EXPH5: variants seen among roughly 807,000 people sequenced by gnomAD.
EXPH5 encodes the protein exophilin-5.
A neutral mutation model predicts 41.1 loss-of-function variants in EXPH5; 42 were observed. The ratio of observed to expected loss-of-function variants is 1.02; its 90% CI spans 0.80 to 1.32. The LOEUF is 1.32. EXPH5 is among the 40% of genes most tolerant of loss of function. EXPH5 has a pLI of 0.00. For synonymous variants in EXPH5, 798 were observed against 833.5 expected (o/e 0.96, Z 0.73); for missense variants, 2,298 against 2,314.5 (o/e 0.99, Z 0.15).
chr11:108,604,288 T>G, the EXPH5 span, among the ~76,000 whole-genome samples: 2 of 151,022 alleles, frequency 1.3e-5, no homozygotes, highest in Admixed American at 1.3e-4. Context: ...CCCAGCTACT[T>G]AGGTGGCTGA....
Position 108,518,285 on chromosome 11 carries a change from C to T in EXPH5, c.581G>A (p.Gly194Asp), listed in dbSNP as rs2093740489. The part of the protein sequence containing the change: ...PKPAVMREES[G>D]MPPPWDASLL... ...TGAAGCATCCCACGGTGGAGGCATG[C>T]CACTCTCCTCCCTCATGACTGCTGG... The change falls in exon 5 of 6, where the codon GGC becomes GAC. Residue 194 changes from glycine to aspartate, a missense_variant. Gly to Asp is a moderately conservative substitution (Grantham distance 94). Coordinates refer to ENST00000265843, the MANE Select transcript of EXPH5 (RefSeq NM_015065.3). 1 of 1,613,560 alleles carries T rather than the reference C, an allele frequency of 6.2e-7. No homozygotes were observed. Among genetic ancestry groups the T allele is most frequent in the Non-Finnish European group, 8.5e-7 (1 of 1,179,566 alleles).
In EXPH5 at chr11:108,539,036, AG is replaced by A; in HGVS notation, c.430del (p.Leu144TrpfsTer16). 1 of 1,595,704 alleles carries A rather than the reference AG, an allele frequency of 6.3e-7. No homozygotes were observed. Among genetic ancestry groups the A allele is most frequent in the Non-Finnish European group, 8.5e-7 (1 of 1,170,170 alleles). ...SGKETSKLPSLGQKGCDGHAG... is the reference protein window; with the variant it reads ...SGKETSKLPSXGQKGCDGHAG... Reference sequence around the variant, plus strand: ...GAGTTTAACTCACCCTTTCTGTCCCAGTGATGGAAGCTTTGAAGTCTCCTTT... The same window carrying A: ...GAGTTTAACTCACCCTTTCTGTCCCATGATGGAAGCTTTGAAGTCTCCTTT... On this transcript the variant is annotated frameshift_variant, in exon 3 of 6. Transcript: ENST00000265843. LOFTEE classifies it high-confidence loss of function.
At chr11:108,571,909 G>T (rs535564473) in intron 1 of EXPH5, among the ~76,000 whole-genome samples, 2 of 152,028 alleles carry the variant, frequency 1.3e-5, no homozygotes, top group South Asian at 2.1e-4. Context: ...TTAGCCAGGC[G>T]TGGTGGCGGG....
At position 108,528,130 on chromosome 11, in the gene EXPH5, AC is replaced by A. The variant is rs1178494444; in HGVS notation, c.492+5del. 10 of 1,596,536 alleles carry A rather than the reference AC, an allele frequency of 6.3e-6. No individual in the cohort carries two copies. Among genetic ancestry groups the A allele is most frequent in the Non-Finnish European group, 8.6e-6 (10 of 1,164,340 alleles). ...TAGAGTAACCTGTAGTTATCTGGTT[AC>A]TTACCACAGCAGCTCCCCTCACAGG... On this transcript the variant is annotated splice_donor_5th_base_variant and intron_variant, in intron 4 of 5. Coordinates refer to ENST00000265843, the MANE Select transcript of EXPH5 (RefSeq NM_015065.3).
intron 3 of EXPH5, 35 bp downstream of exon 3, chr11:108,538,989 C>T: frequency 6.6e-7 from 1 of 1,513,042 alleles, no homozygotes; most frequent in Non-Finnish European, 8.9e-7. Context: ...TATCGGATAA[C>T]AAATGGGCCG....
intron 1 of EXPH5, among the ~76,000 whole-genome samples, chr11:108,557,353 G>A (rs916594179): frequency 1.3e-5 from 2 of 152,254 alleles, no homozygotes; most frequent in South Asian, 4.1e-4. Flanking sequence ...AAGTAAATAA[G>A]TGAAGAAATT....
upstream of EXPH5, among the ~76,000 whole-genome samples, chr11:108,594,517 C>T (rs1364010107): frequency 1.3e-5 from 2 of 152,036 alleles, no homozygotes; most frequent in Non-Finnish European, 2.9e-5. Flanking sequence ...AAATAGCTTT[C>T]CTAGAAAGTC....
intron 1 of EXPH5, among the ~76,000 whole-genome samples, chr11:108,549,938 A>C (rs2640777): frequency 0.98 from 149,907 of 152,294 alleles, 73,820 homozygotes; most frequent in East Asian, 1. Context: ...TAGTGGTTGT[A>C]AGGAAAGTGG....
intron 5 of EXPH5, among the ~76,000 whole-genome samples, chr11:108,517,103 T>C (rs1170093262): frequency 6.6e-6 from 1 of 152,184 alleles, no homozygotes; most frequent in Middle Eastern, 3.2e-3. Context: ...CGCCAGGAAT[T>C]CTACCTAGAG....
At chr11:108,553,726 G>A (rs1247737201) in intron 1 of EXPH5, among the ~76,000 whole-genome samples, 1 of 152,190 alleles carries the variant, frequency 6.6e-6, no homozygotes. Context: ...GCTCAATCTA[G>A]GGGATAATAA....
intron 3 of EXPH5, among the ~76,000 whole-genome samples, chr11:108,530,827 A>G (rs950532583): frequency 6.6e-6 from 1 of 152,186 alleles, no homozygotes; most frequent in Non-Finnish European, 1.5e-5. Context: ...GGAAGGACAC[A>G]TAATTGCCTA....
chr11:108,509,964 C>G lies in EXPH5; in HGVS notation c.5543G>C (p.Arg1848Thr). ...GGGGAGTTCAGAAAAAGATCTGAAT[C>G]TTCGACTGTACCCATTGTTGACAGA... is the stretch of plus-strand genomic sequence containing the variant. The part of the protein sequence containing the change: ...EFSVNNGYSR[R>T]FRSFSELPSC... Residue 1848 changes from arginine to threonine, a missense_variant, in exon 6 of 6, where the codon AGA (arginine) becomes ACA (threonine). Physicochemically the swap from Arg to Thr is moderately conservative, Grantham distance 71. Coordinates refer to ENST00000265843, the MANE Select transcript of EXPH5 (RefSeq NM_015065.3). 1 of 1,613,546 alleles carries G rather than the reference C, an allele frequency of 6.2e-7. No homozygotes were observed. Among genetic ancestry groups the G allele is most frequent in the Non-Finnish European group, 8.5e-7 (1 of 1,179,800 alleles).
At chr11:108,543,443 GGCTTACA>G (rs758619017) in intron 1 of EXPH5, among the ~76,000 whole-genome samples, 5 of 152,170 alleles carry the variant, frequency 3.3e-5, no homozygotes, top group Non-Finnish European at 5.9e-5. Context: ...ATGATGACAA[GGCTTACA>G]GTGTGGTTGT....
rs893389484 is a variant in EXPH5, at chr11:108,510,466, T to C, written c.5041A>G (p.Arg1681Gly). 6.2e-7 allele frequency: 1 copy of C among 1,614,042 alleles called. No homozygotes were observed. The highest frequency in any genetic ancestry group is 1.3e-5 in the African/African-American group (1 of 74,928). The change falls in exon 6 of 6, where the codon AGA becomes GGA. Residue 1681 changes from arginine (R) to glycine (G), a missense_variant. By Grantham distance (125) the Arg-to-Gly change is moderately radical. Transcript: ENST00000265843. ...TTGCTGACGTGTGTAGAAGGTTCTC[T>C]GTTGGGTAGTACAGTAATGGGGAGA... ...NLLPITVLPN[R>G]EPSTHVSNQK... is the part of the protein sequence containing the mutation.
chr11:108,550,362 C>T (rs1422515472), intron 1 of EXPH5, among the ~76,000 whole-genome samples: 2 of 152,204 alleles, frequency 1.3e-5, no homozygotes, highest in African/African-American at 4.8e-5. Flanking sequence ...CATCCAGACC[C>T]AGCCAAGCTG....
At chr11:108,603,569 T>A in the EXPH5 span, among the ~76,000 whole-genome samples, 1 of 152,214 alleles carries the variant, frequency 6.6e-6, no homozygotes, top group African/African-American at 2.4e-5. Context: ...TTGATAACAT[T>A]GTGAACCTCC....
At position 108,508,754 on chromosome 11, in the gene EXPH5, G is replaced by T. The variant is rs901011427; in HGVS notation, c.*783C>A. The stretch of plus-strand genomic sequence containing the variant: ...GTTGCCTGGCCTAAGTCCTTGGCTT[G>T]ACTAAAAGCCCTTAATAATCCAGCC... On this transcript the variant is annotated 3_prime_UTR_variant, in exon 6 of 6. Coordinates refer to ENST00000265843, the MANE Select transcript of EXPH5 (RefSeq NM_015065.3). The T allele has an allele frequency of 1.3e-5, 2 of 152,158 alleles. No homozygotes were observed. Among genetic ancestry groups the T allele is most frequent in the African/African-American group, 4.8e-5 (2 of 41,434 alleles). The allele number at this position is 152,158 out of a possible 1,614,324, so 9.4% of individuals were successfully genotyped here.
intron 3 of EXPH5, among the ~76,000 whole-genome samples, chr11:108,530,392 G>A (rs1402705925): frequency 6.6e-6 from 1 of 152,120 alleles, no homozygotes; most frequent in African/African-American, 2.4e-5. Flanking sequence ...TAAGGACGAT[G>A]AAGAGGTATA....
In EXPH5 at chr11:108,593,691, G is replaced by A. The variant is rs776684917; in HGVS notation, c.-155C>T. On this transcript the variant is annotated 5_prime_UTR_variant, in exon 1 of 6. Transcript: ENST00000265843. ...GTCTAAAACCACAAACCTAGGGAAC[G>A]CCCACACCTGAAGGGCTCATATTGA... 6 of 1,548,854 alleles carry A rather than the reference G, an allele frequency of 3.9e-6. No homozygotes were observed. The highest frequency in any genetic ancestry group is 5.2e-6 in the Non-Finnish European group (6 of 1,149,652).
Sources: gnomAD v4.1 joint callset for allele counts (sites outside exome capture counted in the v4.1 genomes callset) on GRCh38, gnomAD v4.1.1 for gene constraint, MANE v1.5 for transcripts, NCBI Gene and HGNC (gene_info 2026-07-23, HGNC 2026-07-21) for gene names.